Variants in CACNA1E observed in about 807,000 individuals in gnomAD.
The protein encoded by CACNA1E is calcium voltage-gated channel subunit alpha1 E.
In CACNA1E, 40 loss-of-function variants were observed where a neutral mutation model predicts 259.2. The ratio of observed to expected loss-of-function variants is 0.15; its 90% CI spans 0.12 to 0.20. The LOEUF is 0.20. CACNA1E is among the 10% of genes least tolerant of loss of function. The pLI is 1.00. For missense variants in CACNA1E, 1,874 were observed against 3,040.1 expected (o/e 0.62, Z 9.02); for synonymous variants, 1,104 against 1,138.5 (o/e 0.97, Z 0.61).
At chr1:181,718,611 A>AACACACACACACACACAC (rs60522141) in intron 12 of CACNA1E, among the ~76,000 whole-genome samples, 1 of 124,246 alleles carries the variant, frequency 8.0e-6, no homozygotes, top group African/African-American at 3.1e-5. Context: ...CCCTCATTCA[A>AACACACACACACACACAC]ACACACACAC....
intron 7 of CACNA1E, among the ~76,000 whole-genome samples, chr1:181,680,665 C>T (rs1239349601): frequency 6.6e-6 from 1 of 152,238 alleles, no homozygotes; most frequent in Non-Finnish European, 1.5e-5. Flanking sequence ...CGCAGCAGCA[C>T]ACTTCACCAC....
chr1:181,496,477 C>G (rs1440790719), intron 1 of CACNA1E, among the ~76,000 whole-genome samples: 1 of 152,198 alleles, frequency 6.6e-6, no homozygotes, highest in Non-Finnish European at 1.5e-5. Context: ...TGGCTAACTA[C>G]TTCCTATCTG....
chr1:181,511,560 T>TA (rs1666166029), intron 3 of CACNA1E, 50 bp downstream of exon 3: 3 of 1,599,744 alleles, frequency 1.9e-6, no homozygotes, highest in Non-Finnish European at 2.6e-6. Flanking sequence ...AGGGGGTTGG[T>TA]ATCATGAGGT....
chr1:181,733,768 G>C lies in CACNA1E; in HGVS notation c.3262+18G>C. The C allele has an allele frequency of 6.7e-7, 1 of 1,487,212 alleles. No homozygotes were observed. The highest frequency in any genetic ancestry group is 9.0e-7 in the Non-Finnish European group (1 of 1,113,678). 92.1% of individuals were successfully genotyped at this position (1,487,212 alleles called of 1,614,324 possible). ...GGTGCACAGTGAGAGCACAGTCCCT[G>C]TTCCCCTCCACCCCCAACTCCTATC... On this transcript the variant is annotated intron_variant, in intron 21 of 47. Transcript: ENST00000367573.
intron 3 of CACNA1E, among the ~76,000 whole-genome samples, chr1:181,529,364 G>T (rs1478816299): frequency 1.3e-5 from 2 of 152,254 alleles, no homozygotes; most frequent in African/African-American, 4.8e-5. Context: ...GGCCCTCATG[G>T]AGAACCTCTG....
chr1:181,604,816 C>T (rs543334820), intron 6 of CACNA1E, among the ~76,000 whole-genome samples: 23 of 152,110 alleles, frequency 1.5e-4, no homozygotes, highest in African/African-American at 3.1e-4. Flanking sequence ...GAACTTGGCC[C>T]GGGGATGCCT....
intron 6 of CACNA1E, among the ~76,000 whole-genome samples, chr1:181,602,155 G>A (rs554794245): frequency 6.6e-6 from 1 of 152,114 alleles, no homozygotes; most frequent in Non-Finnish European, 1.5e-5. Context: ...TATCACTAGC[G>A]ACCACAGTAT....
chr1:181,755,104 C>T, intron 27 of CACNA1E, 133 bp from the exon 28 acceptor site: 1 of 645,016 alleles, frequency 1.6e-6, no homozygotes, highest in Non-Finnish European at 2.6e-6. Flanking sequence ...CACCTCACCT[C>T]TTAGCAGGAA....
intron 2 of CACNA1E, among the ~76,000 whole-genome samples, chr1:181,417,988 TC>T (rs1378664358): frequency 6.6e-6 from 1 of 152,130 alleles, no homozygotes; most frequent in Non-Finnish European, 1.5e-5. Flanking sequence ...TACAATTTTC[TC>T]TGGAACCCAT....
At chr1:181,642,706 T>G (rs973591538) in intron 6 of CACNA1E, among the ~76,000 whole-genome samples, 56 of 152,174 alleles carry the variant, frequency 3.7e-4, no homozygotes, top group African/African-American at 1.3e-3. Flanking sequence ...TAAATTCACC[T>G]GCTTTGGCTG....
chr1:181,577,745 C>G (rs1287498078), intron 3 of CACNA1E, 21 bp from the exon 4 acceptor site: 2 of 1,538,388 alleles, frequency 1.3e-6, no homozygotes, highest in Non-Finnish European at 1.8e-6. Flanking sequence ...AACCTTGACC[C>G]TTCTGTGTCT....
rs768935172 is a variant in CACNA1E at position 181,483,849 on chromosome 1, G to A, written c.105G>A (p.Gln35=). 1 of 1,613,754 alleles carries A rather than the reference G, an allele frequency of 6.2e-7. No homozygotes were observed. Residue 35 remains glutamine, a synonymous_variant, in exon 1 of 48, where the codon CAG becomes CAA. Coordinates refer to ENST00000367573, the MANE Select transcript of CACNA1E (RefSeq NM_001205293.3). ...RQGTPVPASG[Q]AAAYKQTKAQ... ...GAACCCCCGTGCCGGCCTCGGGGCAGGCGGCCGCCTACAAGCAGACGAAAG... is the reference window on the plus strand; with the variant it reads ...GAACCCCCGTGCCGGCCTCGGGGCAAGCGGCCGCCTACAAGCAGACGAAAG...
intron 6 of CACNA1E, among the ~76,000 whole-genome samples, 185 bp from the exon 7 acceptor site, chr1:181,651,153 C>T (rs911533970): frequency 3.9e-5 from 6 of 152,156 alleles, no homozygotes; most frequent in Admixed American, 2.0e-4. Context: ...ATGCTGTGTT[C>T]TTCATTACGT....
At chr1:181,413,067 C>T (rs1239422957) in intron 1 of CACNA1E, 1 of 153,324 alleles carries the variant, frequency 6.5e-6, no homozygotes, top group Non-Finnish European at 1.5e-5. Context: ...TCCCTGTGAC[C>T]TTGGCCCCAT....
At chr1:181,646,599 C>A (rs1658288321) in intron 6 of CACNA1E, among the ~76,000 whole-genome samples, 2 of 152,202 alleles carry the variant, frequency 1.3e-5, no homozygotes, top group African/African-American at 4.8e-5. Flanking sequence ...GGTGCACAGA[C>A]AGGGAGAATG....
intron 7 of CACNA1E, among the ~76,000 whole-genome samples, chr1:181,687,800 T>G (rs1187083336): frequency 2.0e-5 from 3 of 152,160 alleles, no homozygotes; most frequent in African/African-American, 7.2e-5. Flanking sequence ...TTAAAAGACA[T>G]TATTTCCCCC....
intron 4 of CACNA1E, among the ~76,000 whole-genome samples, chr1:181,578,516 A>G (rs1034639954): frequency 1.3e-5 from 2 of 152,252 alleles, no homozygotes; most frequent in Non-Finnish European, 2.9e-5. Context: ...GCAGTGAGCC[A>G]AGATCACGCC....
At chr1:181,351,884 A>T (rs1019320072) in intron 1 of CACNA1E, among the ~76,000 whole-genome samples, 1 of 152,220 alleles carries the variant, frequency 6.6e-6, no homozygotes. Context: ...TATTAGGGTC[A>T]TTTATGGATT....
At position 181,736,945 on chromosome 1, in the gene CACNA1E, G is replaced by A. The variant is rs546836349; in HGVS notation, c.3422+511G>A. ...GGGGTGACAGAGCGGAGTCTGGAAG[G>A]TTAGATTCAGGAAAGATGGAATTTG... is the stretch of plus-strand genomic sequence containing the variant. On this transcript the variant is annotated intron_variant, in intron 22 of 47. Coordinates refer to ENST00000367573, the MANE Select transcript of CACNA1E (RefSeq NM_001205293.3). Among the ~76,000 whole-genome samples, 58 of 152,298 alleles carry A rather than the reference G, an allele frequency of 3.8e-4. 1 individual carries two copies. Among genetic ancestry groups the A allele is most frequent in the African/African-American group, 1.2e-3 (50 of 41,554 alleles).
Sources: allele counts gnomAD v4.1 joint callset (sites outside exome capture counted in the v4.1 genomes callset), GRCh38; gene constraint gnomAD v4.1.1; transcripts MANE v1.5; gene names NCBI Gene and HGNC (gene_info 2026-07-23, HGNC 2026-07-21).